Variants in EVI5 observed in about 807,000 individuals in gnomAD.
The protein encoded by EVI5 is ecotropic viral integration site 5, also known as ecotropic viral integration site 5 protein homolog.
Under a neutral mutation model 112.0 loss-of-function variants are expected in EVI5, and 73 were observed. The ratio of observed to expected loss-of-function variants is 0.65; its 90% CI spans 0.54 to 0.79. EVI5 has a LOEUF of 0.79. EVI5 is among the 30% of genes least tolerant of loss of function. The pLI is 0.00. For missense variants in EVI5, 900 were observed against 968.8 expected (o/e 0.93, Z 0.94); for synonymous variants, 305 against 319.9 (o/e 0.95, Z 0.50).
chr1:92,605,329 T>C lies in EVI5; in HGVS notation c.2048A>G (p.His683Arg). 6.2e-6 allele frequency: 10 copies of C among 1,612,022 alleles called. No individual in the cohort carries two copies. The highest frequency in any genetic ancestry group is 2.2e-5 in the South Asian group (2 of 91,024). Residue 683 changes from histidine (H) to arginine (R), a missense_variant, in exon 18 of 20, where the codon CAC (histidine) becomes CGC (arginine). Physicochemically the swap from His to Arg is conservative, Grantham distance 29. Coordinates refer to ENST00000684568, the MANE Select transcript of EVI5 (RefSeq NM_001350197.2). ...SIAAVAELRQ[H>R]IAELEIQKEE... is the part of the protein sequence containing the mutation. The stretch of plus-strand genomic sequence containing the variant: ...TACCTGGATTTCAAGCTCAGCAATG[T>C]GTTGTCGTAGTTCAGCCACAGCAGC...
chr1:92,633,460 T>C (rs2101873818), intron 14 of EVI5, among the ~76,000 whole-genome samples: 1 of 152,326 alleles, frequency 6.6e-6, no homozygotes, highest in African/African-American at 2.4e-5. Context: ...CTTTGTTGGT[T>C]TAAAGTCTGT....
intron 9 of EVI5, among the ~76,000 whole-genome samples, chr1:92,678,134 A>G (rs976695709): frequency 6.6e-6 from 1 of 152,214 alleles, no homozygotes; most frequent in Non-Finnish European, 1.5e-5. Flanking sequence ...GGGATCATTC[A>G]TATCTCAAAC....
intron 1 of EVI5, 73 bp downstream of exon 1, chr1:92,784,763 G>C (rs901715763): frequency 1.0e-6 from 1 of 954,658 alleles, no homozygotes; most frequent in Non-Finnish European, 1.2e-6. Flanking sequence ...CGGCCCAGCT[G>C]TGCGCCAGCG....
At chr1:92,572,658 G>C (rs920705941) in intron 18 of EVI5, among the ~76,000 whole-genome samples, 15 of 152,018 alleles carry the variant, frequency 9.9e-5, no homozygotes, top group Non-Finnish European at 1.9e-4. Context: ...GGATTGGAAT[G>C]ATACCACCCT....
intron 2 of EVI5, chr1:92,714,138 GACATT>G: frequency 1.0e-6 from 1 of 982,878 alleles, no homozygotes; most frequent in Non-Finnish European, 1.2e-6. Flanking sequence ...ATAGATCTTT[GACATT>G]ACATTAAACC....
At chr1:92,773,533 T>G (rs1175698540) in intron 1 of EVI5, among the ~76,000 whole-genome samples, 1 of 151,884 alleles carries the variant, frequency 6.6e-6, no homozygotes, top group African/African-American at 2.4e-5. Context: ...TCCCCACTAC[T>G]TAGAAAGCTG....
chr1:92,639,372 T>C (rs1659500517), intron 13 of EVI5, among the ~76,000 whole-genome samples: 1 of 151,684 alleles, frequency 6.6e-6, no homozygotes, highest in African/African-American at 2.4e-5. Context: ...AAGTAAATAT[T>C]TGTATTGGGG....
At chr1:92,610,897 T>G (rs1209147936) in intron 16 of EVI5, among the ~76,000 whole-genome samples, 1 of 146,432 alleles carries the variant, frequency 6.8e-6, no homozygotes, top group Non-Finnish European at 1.5e-5. Flanking sequence ...AATTGAACAA[T>G]GAGATCACAT....
intron 18 of EVI5, among the ~76,000 whole-genome samples, chr1:92,593,323 T>G (rs904515552): frequency 6.6e-6 from 1 of 152,162 alleles, no homozygotes; most frequent in Non-Finnish European, 1.5e-5. Context: ...AAAAATCACA[T>G]GATTATCTCA....
At chr1:92,703,351 C>G (rs541669809) in intron 4 of EVI5, 44 bp downstream of exon 4, 2 of 1,155,646 alleles carry the variant, frequency 1.7e-6, no homozygotes, top group East Asian at 4.9e-5. Flanking sequence ...TTTCAACCTT[C>G]CAGGAATTCA....
intron 2 of EVI5, among the ~76,000 whole-genome samples, chr1:92,720,433 C>T (rs1674538135): frequency 6.6e-6 from 1 of 151,958 alleles, no homozygotes; most frequent in Admixed American, 6.5e-5. Flanking sequence ...GGAAAGGATT[C>T]CCTATTTAAT....
intron 9 of EVI5, among the ~76,000 whole-genome samples, chr1:92,686,854 A>C (rs1476243992): frequency 3.9e-5 from 6 of 152,234 alleles, no homozygotes; most frequent in Admixed American, 3.3e-4. Context: ...GGACCTCTTC[A>C]AGGAGAACTA....
rs1201770354 is a variant in EVI5 at position 92,636,219 on chromosome 1, C to T, written c.1510G>A (p.Val504Ile). Residue 504 changes from valine to isoleucine, a missense_variant, in exon 14 of 20, where the codon GTC (valine) becomes ATC (isoleucine). Coordinates refer to ENST00000684568, the MANE Select transcript of EVI5 (RefSeq NM_001350197.2). Reference sequence around the variant, plus strand: ...TTTCTTACCTTCTCTATATCCAAGACTTTATCCTGCATCTCTTTTAATGCA... The same window carrying T: ...TTTCTTACCTTCTCTATATCCAAGATTTTATCCTGCATCTCTTTTAATGCA... ...QCALKEMQDK[V>I]LDIEKRNNSL... The T allele has an allele frequency of 6.2e-7, 1 of 1,613,218 alleles. No homozygotes were observed. The highest frequency in any genetic ancestry group is 8.5e-7 in the Non-Finnish European group (1 of 1,179,614).
At chr1:92,588,875 G>A (rs1673229037) in intron 18 of EVI5, among the ~76,000 whole-genome samples, 2 of 152,110 alleles carry the variant, frequency 1.3e-5, no homozygotes, top group Admixed American at 6.5e-5. Context: ...AATTATTTCA[G>A]TAAATAAACA....
At chr1:92,622,378 C>A in intron 16 of EVI5, 1 of 411,968 alleles carries the variant, frequency 2.4e-6, no homozygotes, top group South Asian at 1.8e-5. Context: ...AACACAAAAA[C>A]GGTAAGAACC....
intron 1 of EVI5, among the ~76,000 whole-genome samples, 165 bp downstream of exon 1, chr1:92,784,671 G>A (rs941600648): frequency 6.6e-6 from 1 of 151,944 alleles, no homozygotes; most frequent in Non-Finnish European, 1.5e-5. Context: ...AGCGAGTGCA[G>A]GGAACTTAGG....
intron 2 of EVI5, among the ~76,000 whole-genome samples, chr1:92,723,930 T>C (rs911957651): frequency 1.8e-4 from 27 of 152,322 alleles, no homozygotes; most frequent in African/African-American, 6.5e-4. Flanking sequence ...AAATACGCCC[T>C]GGTCTCCTGC....
At chr1:92,609,880 G>GTT (rs946617732) in intron 16 of EVI5, among the ~76,000 whole-genome samples, 5 of 137,978 alleles carry the variant, frequency 3.6e-5, no homozygotes, top group African/African-American at 2.7e-5. Flanking sequence ...TCTCTTTTTT[G>GTT]TTTTTTTTTT....
chr1:92,625,101 T>C (rs1461887214), intron 15 of EVI5, among the ~76,000 whole-genome samples: 1 of 152,018 alleles, frequency 6.6e-6, no homozygotes, highest in East Asian at 1.9e-4. Context: ...TTCAATGAAA[T>C]CCCAATACAT....
Sources: gnomAD v4.1 joint callset for allele counts (sites outside exome capture counted in the v4.1 genomes callset) on GRCh38, gnomAD v4.1.1 for gene constraint, MANE v1.5 for transcripts, NCBI Gene and HGNC (gene_info 2026-07-23, HGNC 2026-07-21) for gene names.